The following C12orf54 variants were observed in gnomAD, a reference collection of about 807,000 sequenced individuals.
C12orf54 encodes uncharacterized protein C12orf54.
Under a neutral mutation model 26.4 loss-of-function variants are expected in C12orf54, and 24 were observed. That is an observed-to-expected ratio of 0.91 (90% CI 0.66 to 1.28). The LOEUF is 1.28. C12orf54 is among the 50% of genes most tolerant of loss of function. The pLI, the probability that C12orf54 is intolerant of heterozygous loss-of-function variation, is 0.00. For synonymous variants in C12orf54, 54 were observed against 47.0 expected, an observed-to-expected ratio of 1.15 and a Z score of -0.61; for missense variants, 154 against 150.9, an observed-to-expected ratio of 1.02 and a Z score of -0.11.
the C12orf54 span, among the ~76,000 whole-genome samples, chr12:48,459,090 CT>C: frequency 6.6e-6 from 1 of 152,158 alleles, no homozygotes; most frequent in Non-Finnish European, 1.5e-5. Context: ...GTAACTACCC[CT>C]TTCTCCTTTT....
intron 6 of C12orf54, 70 bp from the exon 7 acceptor site, chr12:48,492,877 T>G: frequency 1.7e-5 from 23 of 1,379,024 alleles, no homozygotes; most frequent in Non-Finnish European, 2.3e-5. Flanking sequence ...ATCAAGGATG[T>G]GAGCTGGGCA....
the C12orf54 span, among the ~76,000 whole-genome samples, chr12:48,469,766 G>T: frequency 6.6e-6 from 1 of 152,190 alleles, no homozygotes; most frequent in African/African-American, 2.4e-5. Context: ...ACTAACAAAT[G>T]TCCATGAAAT....
chr12:48,455,070 AG>A, the C12orf54 span, among the ~76,000 whole-genome samples: 1 of 152,136 alleles, frequency 6.6e-6, no homozygotes, highest in African/African-American at 2.4e-5. Flanking sequence ...TAGTGAGCAT[AG>A]TACCAGACAG....
the C12orf54 span, among the ~76,000 whole-genome samples, chr12:48,430,628 A>G: frequency 6.6e-6 from 1 of 152,222 alleles, no homozygotes; most frequent in Non-Finnish European, 1.5e-5. Context: ...AATGGCCATA[A>G]TTAAAAAAAT....
At chr12:48,452,996 C>G in the C12orf54 span, among the ~76,000 whole-genome samples, 3 of 152,168 alleles carry the variant, frequency 2.0e-5, no homozygotes, top group South Asian at 4.2e-4. Flanking sequence ...TGAGTATATA[C>G]CCAAAGGGAT....
chr12:48,468,209 G>T, the C12orf54 span, among the ~76,000 whole-genome samples: 1 of 152,278 alleles, frequency 6.6e-6, no homozygotes, highest in Middle Eastern at 3.4e-3. Context: ...GGCAAGTGGT[G>T]GCAGCTGCTG....
the C12orf54 span, among the ~76,000 whole-genome samples, chr12:48,437,121 A>T: frequency 1.3e-5 from 2 of 152,232 alleles, no homozygotes; most frequent in Non-Finnish European, 2.9e-5. Flanking sequence ...TGCTATAAAC[A>T]TCTCTACTCA....
At chr12:48,413,546 G>A in the C12orf54 span, among the ~76,000 whole-genome samples, 3 of 152,178 alleles carry the variant, frequency 2.0e-5, no homozygotes, top group African/African-American at 7.2e-5. Context: ...GTCTTGAAGT[G>A]AAGCATGCTG....
At chr12:48,492,352 T>C (rs1441497814) in intron 6 of C12orf54, among the ~76,000 whole-genome samples, 1 of 152,184 alleles carries the variant, frequency 6.6e-6, no homozygotes, top group Non-Finnish European at 1.5e-5. Flanking sequence ...GATACTTTCC[T>C]TGGATGCTGA....
chr12:48,458,718 G>C, the C12orf54 span, among the ~76,000 whole-genome samples: 1 of 146,102 alleles, frequency 6.8e-6, no homozygotes, highest in Non-Finnish European at 1.5e-5. Context: ...CTCCACAGAG[G>C]ATACCTTGAT....
At chr12:48,426,159 A>G in the C12orf54 span, among the ~76,000 whole-genome samples, 1 of 152,022 alleles carries the variant, frequency 6.6e-6, no homozygotes, top group Non-Finnish European at 1.5e-5. Context: ...AATCTTTGCC[A>G]CTTCCTATGT....
chr12:48,444,627 TA>T, the C12orf54 span, among the ~76,000 whole-genome samples: 1 of 152,212 alleles, frequency 6.6e-6, no homozygotes, highest in African/African-American at 2.4e-5. Context: ...AGTCATGTCT[TA>T]TTTTTTTTAA....
chr12:48,471,011 G>C, the C12orf54 span, among the ~76,000 whole-genome samples: 7 of 152,154 alleles, frequency 4.6e-5, no homozygotes, highest in Admixed American at 2.0e-4. Flanking sequence ...GTACAATTAA[G>C]TTATTTTTAT....
At chr12:48,441,551 A>T in the C12orf54 span, among the ~76,000 whole-genome samples, 1 of 152,120 alleles carries the variant, frequency 6.6e-6, no homozygotes, top group East Asian at 1.9e-4. Context: ...AGAATGAGTG[A>T]ATAATGACAG....
At chr12:48,472,546 G>T in the C12orf54 span, 1 of 1,192,334 alleles carries the variant, frequency 8.4e-7, no homozygotes. Context: ...TTGGAATTAA[G>T]AATTTACTTT....
chr12:48,446,978 C>T, the C12orf54 span, among the ~76,000 whole-genome samples: 1 of 152,086 alleles, frequency 6.6e-6, no homozygotes, highest in Non-Finnish European at 1.5e-5. Context: ...TTTCTTTCTC[C>T]TTGAAGTCCT....
chr12:48,467,876 T>C, the C12orf54 span, among the ~76,000 whole-genome samples: 1 of 152,146 alleles, frequency 6.6e-6, no homozygotes, highest in African/African-American at 2.4e-5. Context: ...AACTTAGCTA[T>C]TTTAGATGAT....
intron 4 of C12orf54, chr12:48,487,923 C>G: frequency 1.6e-6 from 1 of 626,122 alleles, no homozygotes; most frequent in Non-Finnish European, 2.9e-6. Context: ...CCAGCCCTGG[C>G]CCTGGATCCT....
upstream of C12orf54, among the ~76,000 whole-genome samples, chr12:48,481,725 C>T (rs961846237): frequency 1.2e-4 from 18 of 152,110 alleles, no homozygotes; most frequent in African/African-American, 4.1e-4. Context: ...AGGAGTTTTC[C>T]CACCATCACC....
Sources: allele counts gnomAD v4.1 joint callset (sites outside exome capture counted in the v4.1 genomes callset), GRCh38; gene constraint gnomAD v4.1.1; transcripts MANE v1.5; gene names NCBI Gene and HGNC (gene_info 2026-07-23, HGNC 2026-07-21).